The following PDGFD variants were observed in gnomAD, a reference collection of about 807,000 sequenced individuals.
PDGFD encodes the protein platelet derived growth factor D, also known as platelet-derived growth factor D.
PDGFD carries 30 observed loss-of-function variants against 44.7 expected under a neutral mutation model. The observed-to-expected ratio is 0.67, with a 90% CI of 0.50 to 0.91. PDGFD has a LOEUF of 0.91. PDGFD is among the 40% of genes least tolerant of loss of function. The pLI, the probability that PDGFD is intolerant of heterozygous loss-of-function variation, is 0.00. For missense variants in PDGFD, 445 were observed against 457.8 expected, an observed-to-expected ratio of 0.97 and a Z score of 0.25; for synonymous variants, 173 against 168.4, an observed-to-expected ratio of 1.03 and a Z score of -0.21.
At chr11:104,129,956 C>G (rs11226190) in intron 1 of PDGFD, among the ~76,000 whole-genome samples, 2,407 of 147,130 alleles carry the variant, frequency 0.016, 70 homozygotes, top group African/African-American at 0.058. Context: ...GTGCAGTGAG[C>G]CAAGATTGCA....
intron 1 of PDGFD, among the ~76,000 whole-genome samples, chr11:104,101,548 A>G (rs908662491): frequency 6.6e-6 from 1 of 152,124 alleles, no homozygotes; most frequent in Non-Finnish European, 1.5e-5. Flanking sequence ...GCTACCAATG[A>G]CTTTCTTCAC....
chr11:104,142,615 A>G (rs1862102203), intron 1 of PDGFD, among the ~76,000 whole-genome samples: 1 of 152,184 alleles, frequency 6.6e-6, no homozygotes, highest in African/African-American at 2.4e-5. Flanking sequence ...TCTTATCTCT[A>G]AGTTTCCAAA....
At position 103,910,907 on chromosome 11, in the gene PDGFD, C is replaced by A. The variant is rs562173295; in HGVS notation, c.988-1088G>T. On this transcript the variant is annotated intron_variant, in intron 6 of 6. Coordinates refer to ENST00000393158, the MANE Select transcript of PDGFD (RefSeq NM_025208.5). The stretch of plus-strand genomic sequence containing the variant: ...GCTTGGTGAGGGGAGGGGCGTCTGC[C>A]ATTGCTGAGGCTTGAGTAGGCGAGG... 8.4e-3 allele frequency among the ~76,000 whole-genome samples: 1,274 copies of A among 152,294 alleles called. 4 individuals are homozygous for A. Among genetic ancestry groups the A allele is most frequent in the Non-Finnish European group, 0.013 (907 of 68,022 alleles).
chr11:104,141,084 G>C (rs1862078418), intron 1 of PDGFD, among the ~76,000 whole-genome samples: 2 of 152,138 alleles, frequency 1.3e-5, no homozygotes, highest in South Asian at 4.1e-4. Context: ...GGTGCTCACT[G>C]ATGACAGGTC....
chr11:103,970,599 G>A lies in PDGFD; in HGVS notation c.511-22875C>T, dbSNP rs577956043. On this transcript the variant is annotated intron_variant, in intron 3 of 6. Coordinates refer to ENST00000393158, the MANE Select transcript of PDGFD (RefSeq NM_025208.5). ...GAAAAGCTGATTGATTAAGAGGCTG[G>A]GAAAATGACTTAAGAGGCAAGATTA... Among the ~76,000 whole-genome samples the A allele has an allele frequency of 1.1e-4, 16 of 152,104 alleles. No individual in the cohort carries two copies. The South Asian group carries it at 3.1e-3, about 30-fold the overall frequency.
At chr11:104,104,176 T>C (rs1861438498) in intron 1 of PDGFD, among the ~76,000 whole-genome samples, 2 of 152,152 alleles carry the variant, frequency 1.3e-5, no homozygotes, top group African/African-American at 4.8e-5. Context: ...AAAAAGGAAA[T>C]ATTTTTGTAC....
chr11:103,915,384 T>C (rs1264074468), intron 6 of PDGFD, among the ~76,000 whole-genome samples: 2 of 152,050 alleles, frequency 1.3e-5, no homozygotes, highest in Non-Finnish European at 2.9e-5. Context: ...GGAATACAAC[T>C]TACAAGGGAC....
At chr11:104,103,445 A>C (rs1861425481) in intron 1 of PDGFD, among the ~76,000 whole-genome samples, 1 of 104,882 alleles carries the variant, frequency 9.5e-6, no homozygotes, top group African/African-American at 4.0e-5. Flanking sequence ...AAAACAGACA[A>C]TTATGTGTGT....
intron 1 of PDGFD, among the ~76,000 whole-genome samples, chr11:104,097,207 TAAG>T (rs1216612026): frequency 6.6e-6 from 1 of 152,116 alleles, no homozygotes; most frequent in Non-Finnish European, 1.5e-5. Flanking sequence ...AATCAAGTAA[TAAG>T]AATAGCAGGC....
Position 103,996,215 on chromosome 11 carries a change from G to C in PDGFD, c.360C>G (p.Ser120=). 2 of 1,611,564 alleles carry C rather than the reference G, an allele frequency of 1.2e-6. No homozygotes were observed. The highest frequency in any genetic ancestry group is 1.1e-5 in the South Asian group (1 of 90,522). The change falls in exon 3 of 7, where the codon TCC becomes TCG. Residue 120 remains serine, a synonymous_variant. Coordinates refer to ENST00000393158, the MANE Select transcript of PDGFD (RefSeq NM_025208.5). ...GTCCTCTAATAATGGTACTGGTTTC[G>C]GATATATCTTCAACTTCCACAAAAT... ...RYDFVEVEDI[S]ETSTIIRGRW... is the part of the protein sequence containing the mutation.
At chr11:104,022,011 T>C (rs1230561943) in intron 1 of PDGFD, among the ~76,000 whole-genome samples, 1 of 152,142 alleles carries the variant, frequency 6.6e-6, no homozygotes, top group East Asian at 1.9e-4. Context: ...TTCTTCCTTA[T>C]TTTCTACCCC....
chr11:104,108,954 A>G (rs1471886976), intron 1 of PDGFD, among the ~76,000 whole-genome samples: 2 of 151,940 alleles, frequency 1.3e-5, no homozygotes, highest in African/African-American at 2.4e-5. Flanking sequence ...TGCAAGAACA[A>G]AAAAGCAAAC....
intron 5 of PDGFD, among the ~76,000 whole-genome samples, chr11:103,929,753 A>G (rs892767693): frequency 2.0e-5 from 3 of 152,196 alleles, no homozygotes; most frequent in Non-Finnish European, 4.4e-5. Context: ...GCGTGATTGC[A>G]GACTTTCTGC....
At chr11:104,147,572 T>C (rs751115734) in intron 1 of PDGFD, among the ~76,000 whole-genome samples, 5 of 152,152 alleles carry the variant, frequency 3.3e-5, no homozygotes, top group Non-Finnish European at 4.4e-5. Flanking sequence ...CTAGGCCACA[T>C]AGTCAGTGGC....
chr11:104,029,853 G>C (rs1473122065), intron 1 of PDGFD, among the ~76,000 whole-genome samples: 1 of 152,154 alleles, frequency 6.6e-6, no homozygotes, highest in African/African-American at 2.4e-5. Flanking sequence ...TTGTATGATA[G>C]ATAAGTGTTT....
chr11:104,062,970 A>T (rs1045492778), intron 1 of PDGFD, among the ~76,000 whole-genome samples: 1 of 152,156 alleles, frequency 6.6e-6, no homozygotes, highest in African/African-American at 2.4e-5. Context: ...TAAAACAAAA[A>T]ATCCTCTAAT....
rs1857975053 is a variant in PDGFD at position 103,908,539 on chromosome 11, T to G, written c.*1155A>C. The G allele has an allele frequency of 6.6e-6, 1 of 152,212 alleles. No homozygotes were observed. The highest frequency in any genetic ancestry group is 2.1e-4 in the South Asian group (1 of 4,832). The allele number at this position is 152,212 out of a possible 1,614,324, so 9.4% of individuals were successfully genotyped here. ...ATTTACATTAATAAAATGTGATTTT[T>G]TTGATACACAAAAGCTTTTAGGTTG... is the stretch of plus-strand genomic sequence containing the variant. On this transcript the variant is annotated 3_prime_UTR_variant, in exon 7 of 7. Coordinates refer to ENST00000393158, the MANE Select transcript of PDGFD (RefSeq NM_025208.5).
Position 104,046,455 on chromosome 11 carries a change from T to C in PDGFD, c.125-46200A>G, listed in dbSNP as rs368550763. Among the ~76,000 whole-genome samples the C allele has an allele frequency of 9.5e-5, 14 of 147,792 alleles. 1 individual carries two copies. In the East Asian group the frequency reaches 1.4e-3, roughly 15 times the overall value. ...AACAATGATATTCTCTGTTCACACA[T>C]TGCTAACTGCCATCACTTGTACTCC... On this transcript the variant is annotated intron_variant, in intron 1 of 6. Coordinates refer to ENST00000393158, the MANE Select transcript of PDGFD (RefSeq NM_025208.5).
intron 3 of PDGFD, among the ~76,000 whole-genome samples, chr11:103,959,432 A>T (rs920887087): frequency 6.6e-6 from 1 of 152,346 alleles, no homozygotes; most frequent in Non-Finnish European, 1.5e-5. Context: ...TGGTTAATGT[A>T]AAGTCTGAAA....
Sources: allele counts gnomAD v4.1 joint callset (sites outside exome capture counted in the v4.1 genomes callset), GRCh38; gene constraint gnomAD v4.1.1; transcripts MANE v1.5; gene names NCBI Gene and HGNC (gene_info 2026-07-23, HGNC 2026-07-21).